The following SPIDR variants were observed in gnomAD, a reference collection of about 807,000 sequenced individuals.
SPIDR encodes the protein scaffold protein involved in DNA repair, also known as DNA repair-scaffolding protein.
SPIDR carries 93 observed loss-of-function variants against 104.6 expected under a neutral mutation model. The ratio of observed to expected loss-of-function variants is 0.89; its 90% CI spans 0.75 to 1.06. The LOEUF (loss-of-function observed/expected upper bound fraction) is 1.06, where lower values mean the gene tolerates loss of function less well. SPIDR is among the 50% of genes least tolerant of loss of function. The pLI, the probability that SPIDR is intolerant of heterozygous loss-of-function variation, is 0.00. For synonymous variants in SPIDR, 431 were observed against 416.9 expected, an observed-to-expected ratio of 1.03 and a Z score of -0.41; for missense variants, 1,154 against 1,111.2, an observed-to-expected ratio of 1.04 and a Z score of -0.55.
intron 11 of SPIDR, among the ~76,000 whole-genome samples, chr8:47,692,757 T>G (rs1187459584): frequency 6.6e-6 from 1 of 152,188 alleles, no homozygotes; most frequent in Non-Finnish European, 1.5e-5. Context: ...CAGAATTTCA[T>G]TCTTTTTATG....
At chr8:47,381,684 G>A (rs925031029) in intron 5 of SPIDR, among the ~76,000 whole-genome samples, 1 of 152,214 alleles carries the variant, frequency 6.6e-6, no homozygotes. Context: ...CCAGCGATTG[G>A]CAGGAAGTGG....
chr8:47,563,813 T>G lies in SPIDR; in HGVS notation c.1098-31998T>G, dbSNP rs532930974. ...AGTCAGGTATTTGAGTTATAGGACA[T>G]CTGTGTGGGATTAATACCTATGAAT... On this transcript the variant is annotated intron_variant, in intron 8 of 19. Transcript: ENST00000297423. Among the ~76,000 whole-genome samples the G allele has an allele frequency of 2.0e-5, 3 of 152,276 alleles. No individual in the cohort carries two copies. The East Asian group carries it at 5.8e-4, about 29-fold the overall frequency.
At chr8:47,317,863 C>G (rs912960340) in intron 5 of SPIDR, among the ~76,000 whole-genome samples, 21 of 152,274 alleles carry the variant, frequency 1.4e-4, no homozygotes, top group African/African-American at 4.8e-4. Context: ...CCAGCAAACT[C>G]CAGCAGACCT....
intron 8 of SPIDR, among the ~76,000 whole-genome samples, chr8:47,489,224 C>T (rs1445395590): frequency 6.6e-6 from 1 of 152,074 alleles, no homozygotes; most frequent in Admixed American, 6.6e-5. Flanking sequence ...AAACAGAGAG[C>T]CAAATCATGA....
At chr8:47,310,333 CAA>C (rs1166703089) in intron 5 of SPIDR, among the ~76,000 whole-genome samples, 8 of 54,858 alleles carry the variant, frequency 1.5e-4, no homozygotes, top group Non-Finnish European at 2.0e-4. Context: ...GACTCCATCT[CAA>C]AAAAAAAAAA....
At chr8:47,526,105 G>A (rs1047987009) in intron 8 of SPIDR, among the ~76,000 whole-genome samples, 3 of 152,238 alleles carry the variant, frequency 2.0e-5, no homozygotes, top group African/African-American at 7.2e-5. Flanking sequence ...CTGAATTTGC[G>A]GAAGGGACAG....
At position 47,266,543 on chromosome 8, in the gene SPIDR, G is replaced by A. The variant is rs149691431; in HGVS notation, c.33+5552G>A. ...ACCTCTAGGCTGTTTTCAGGTTTTG[G>A]TTATTGCAAATAAAACTGCTATAAA... On this transcript the variant is annotated intron_variant, in intron 1 of 19. Coordinates refer to ENST00000297423, the MANE Select transcript of SPIDR (RefSeq NM_001080394.4). Among the ~76,000 whole-genome samples the A allele has an allele frequency of 2.8e-3, 420 of 152,244 alleles. 1 individual carries two copies. The highest frequency in any genetic ancestry group is 9.9e-3 in the African/African-American group (410 of 41,532).
chr8:47,358,728 T>C (rs1276626662), intron 5 of SPIDR, among the ~76,000 whole-genome samples: 1 of 152,252 alleles, frequency 6.6e-6, no homozygotes, highest in African/African-American at 2.4e-5. Context: ...ATCTGATCCC[T>C]ATATTACTTC....
At chr8:47,585,399 A>G (rs994609466) in intron 8 of SPIDR, among the ~76,000 whole-genome samples, 11 of 152,210 alleles carry the variant, frequency 7.2e-5, no homozygotes, top group Non-Finnish European at 1.2e-4. Flanking sequence ...TTTTAGATTG[A>G]TTAATGTTAT....
At chr8:47,709,263 C>A (rs1318240055) in intron 14 of SPIDR, among the ~76,000 whole-genome samples, 1 of 152,218 alleles carries the variant, frequency 6.6e-6, no homozygotes, top group Admixed American at 6.5e-5. Flanking sequence ...GTCTCCACCT[C>A]CCGAGTAGCT....
At chr8:47,605,518 C>T (rs1211124053) in intron 10 of SPIDR, among the ~76,000 whole-genome samples, 2 of 152,124 alleles carry the variant, frequency 1.3e-5, no homozygotes, top group African/African-American at 2.4e-5. Flanking sequence ...TCTCTTGTTT[C>T]CTAATGTGTA....
chr8:47,671,585 AAAATAAATAAATAAAT>A (rs60133278), intron 10 of SPIDR, among the ~76,000 whole-genome samples: 2 of 142,712 alleles, frequency 1.4e-5, no homozygotes, highest in African/African-American at 2.6e-5. Context: ...ACTCCATCTC[AAAATAAATAAATAAAT>A]AAATAAATAA....
At chr8:47,376,883 A>C (rs1342448580) in intron 5 of SPIDR, among the ~76,000 whole-genome samples, 1 of 152,196 alleles carries the variant, frequency 6.6e-6, no homozygotes, top group Non-Finnish European at 1.5e-5. Flanking sequence ...ACTATAGCTT[A>C]CAGGCCAAAT....
At chr8:47,717,509 C>G (rs1292355850) in intron 16 of SPIDR, among the ~76,000 whole-genome samples, 50 of 152,232 alleles carry the variant, frequency 3.3e-4, no homozygotes, top group Admixed American at 3.3e-3. Flanking sequence ...TTCCTAACTA[C>G]GGCCAATGAG....
rs541201637 is a variant in SPIDR, at chr8:47,448,554, G to A, written c.1097+8012G>A. ...AACAAGTTATAAAAGACCACTGTAG[G>A]CGTAGTAATAGATATCTGTACAGAG... is the stretch of plus-strand genomic sequence containing the variant. On this transcript the variant is annotated intron_variant, in intron 8 of 19. Transcript: ENST00000297423. Among the ~76,000 whole-genome samples, 7 of 152,246 alleles carry A rather than the reference G, an allele frequency of 4.6e-5. 2 individuals are homozygous for A. The South Asian group carries it at 1.5e-3, about 32-fold the overall frequency.
At chr8:47,539,732 C>A (rs2087727985) in intron 8 of SPIDR, among the ~76,000 whole-genome samples, 4 of 151,340 alleles carry the variant, frequency 2.6e-5, no homozygotes, top group Admixed American at 1.3e-4. Context: ...TCTTAAGGTC[C>A]TTCACTTTTC....
At chr8:47,592,646 C>T (rs552504469) in intron 8 of SPIDR, 32 of 1,010,474 alleles carry the variant, frequency 3.2e-5, no homozygotes, top group East Asian at 2.4e-5. Context: ...GTCTAGTCTC[C>T]GGCTCCGCTT....
At chr8:47,439,710 C>T (rs2069026473) in intron 7 of SPIDR, among the ~76,000 whole-genome samples, 1 of 152,156 alleles carries the variant, frequency 6.6e-6, no homozygotes, top group African/African-American at 2.4e-5. Flanking sequence ...CTCCATTTTA[C>T]ACATAAGACA....
At chr8:47,352,278 C>CAAAA (rs35556300) in intron 5 of SPIDR, among the ~76,000 whole-genome samples, 2 of 130,846 alleles carry the variant, frequency 1.5e-5, no homozygotes, top group Non-Finnish European at 1.6e-5. Flanking sequence ...TCCATCTCAA[C>CAAAA]AAAAAAAAAA....
Sources: allele counts gnomAD v4.1 joint callset (sites outside exome capture counted in the v4.1 genomes callset), GRCh38; gene constraint gnomAD v4.1.1; transcripts MANE v1.5; gene names NCBI Gene and HGNC (gene_info 2026-07-23, HGNC 2026-07-21).